DRC11: variants seen among roughly 807,000 people sequenced by gnomAD.
DRC11 encodes the protein IQ and AAA domain-containing protein 1.
the DRC11 span, among the ~76,000 whole-genome samples, chr2:236,499,296 G>C: frequency 6.6e-6 from 1 of 152,206 alleles, no homozygotes; most frequent in East Asian, 1.9e-4. The surrounding 1 kb of genome is among the most constrained non-coding windows in gnomAD (Gnocchi z 4.7). Context: ...TGTCCCAGAA[G>C]AACCAGGCTC....
At chr2:236,503,751 C>G in the DRC11 span, 2 of 1,492,576 alleles carry the variant, frequency 1.3e-6, no homozygotes, top group Non-Finnish European at 1.8e-6. This position sits in a 1 kb window ranked among gnomAD's most constrained non-coding sequence, Gnocchi z 4.9. Flanking sequence ...ACCACACCCC[C>G]TCCCACACTG....
At chr2:236,506,746 T>C in the DRC11 span, among the ~76,000 whole-genome samples, 1 of 152,356 alleles carries the variant, frequency 6.6e-6, no homozygotes, top group East Asian at 1.9e-4. The surrounding 1 kb of genome is among the most constrained non-coding windows in gnomAD (Gnocchi z 4.9). Flanking sequence ...TGAGGTAACT[T>C]TGTGCAAGTG....
chr2:236,493,151 G>A, the DRC11 span, among the ~76,000 whole-genome samples: 2 of 152,174 alleles, frequency 1.3e-5, no homozygotes, highest in African/African-American at 4.8e-5. Context: ...AGACAAGACA[G>A]TTTGTGCAGG....
the DRC11 span, chr2:236,503,647 T>C: frequency 3.2e-5 from 49 of 1,550,910 alleles, no homozygotes; most frequent in East Asian, 1.1e-3. The surrounding 1 kb of genome is among the most constrained non-coding windows in gnomAD (Gnocchi z 4.9). Flanking sequence ...TCCTCAGCGC[T>C]GAGAGACGGC....
chr2:236,493,443 GAAC>G, the DRC11 span, among the ~76,000 whole-genome samples: 1 of 152,148 alleles, frequency 6.6e-6, no homozygotes, highest in African/African-American at 2.4e-5. Flanking sequence ...TATTTTACAT[GAAC>G]AACATTTAGC....
At chr2:236,488,164 C>A in the DRC11 span, 2 of 1,603,788 alleles carry the variant, frequency 1.2e-6, no homozygotes, top group Non-Finnish European at 8.5e-7. Context: ...ACAGCCTCAT[C>A]GAAAGGGATA....
the DRC11 span, among the ~76,000 whole-genome samples, chr2:236,351,779 G>A: frequency 4.6e-5 from 7 of 152,120 alleles, no homozygotes; most frequent in African/African-American, 1.7e-4. The surrounding 1 kb of genome is among the most constrained non-coding windows in gnomAD (Gnocchi z 7.3). Context: ...GGCAGGGCAG[G>A]ATGGGGAGGG....
At chr2:236,313,901 A>G in the DRC11 span, among the ~76,000 whole-genome samples, 1 of 152,204 alleles carries the variant, frequency 6.6e-6, no homozygotes, top group Non-Finnish European at 1.5e-5. This position sits in a 1 kb window ranked among gnomAD's most constrained non-coding sequence, Gnocchi z 4.5. Flanking sequence ...GCCAAGGCTT[A>G]AAGGAAGAGG....
chr2:236,349,965 C>T, the DRC11 span, among the ~76,000 whole-genome samples: 7 of 152,320 alleles, frequency 4.6e-5, no homozygotes, highest in South Asian at 2.1e-4. The surrounding 1 kb of genome is among the most constrained non-coding windows in gnomAD (Gnocchi z 5.5). Flanking sequence ...GCGATGTCCA[C>T]GTGGCAAGCA....
chr2:236,331,819 A>G, the DRC11 span: 1 of 532,310 alleles, frequency 1.9e-6, no homozygotes, highest in Non-Finnish European at 3.4e-6. This position sits in a 1 kb window ranked among gnomAD's most constrained non-coding sequence, Gnocchi z 4.8. Flanking sequence ...AGGTCTATAG[A>G]TCCACAAGTG....
chr2:236,428,516 A>G, the DRC11 span, among the ~76,000 whole-genome samples: 2 of 151,958 alleles, frequency 1.3e-5, no homozygotes, highest in Non-Finnish European at 2.9e-5. Flanking sequence ...ACAGTTTTTG[A>G]CTTAAAGTAT....
the DRC11 span, among the ~76,000 whole-genome samples, chr2:236,466,443 C>T: frequency 3.3e-5 from 5 of 152,152 alleles, no homozygotes; most frequent in Non-Finnish European, 5.9e-5. Flanking sequence ...TTTGCACTGC[C>T]GTAAAAGAAT....
chr2:236,319,423 G>A, the DRC11 span, among the ~76,000 whole-genome samples: 2 of 152,232 alleles, frequency 1.3e-5, no homozygotes, highest in Non-Finnish European at 2.9e-5. This position sits in a 1 kb window ranked among gnomAD's most constrained non-coding sequence, Gnocchi z 6.7. Flanking sequence ...GGGTCAGTCA[G>A]AACCTTGCTG....
At chr2:236,384,492 A>G in the DRC11 span, among the ~76,000 whole-genome samples, 1 of 152,124 alleles carries the variant, frequency 6.6e-6, no homozygotes. Context: ...CATGTCCTTC[A>G]CCCACTTTTT....
At chr2:236,489,467 C>T in the DRC11 span, among the ~76,000 whole-genome samples, 12 of 149,354 alleles carry the variant, frequency 8.0e-5, no homozygotes, top group South Asian at 2.1e-4. Context: ...ATGTGGGCTC[C>T]GGGTGCAGCT....
the DRC11 span, among the ~76,000 whole-genome samples, chr2:236,383,633 A>ATTT: frequency 1.6e-5 from 2 of 122,642 alleles, no homozygotes; most frequent in African/African-American, 2.9e-5. Context: ...TTGTGTGGTC[A>ATTT]TTTTTTTTTT....
chr2:236,372,132 G>C, the DRC11 span, among the ~76,000 whole-genome samples: 1 of 152,066 alleles, frequency 6.6e-6, no homozygotes, highest in East Asian at 1.9e-4. This position sits in a 1 kb window ranked among gnomAD's most constrained non-coding sequence, Gnocchi z 4.5. Context: ...AGATAACTTT[G>C]CCACGAAATA....
chr2:236,311,963 G>A, the DRC11 span, among the ~76,000 whole-genome samples: 3 of 152,150 alleles, frequency 2.0e-5, no homozygotes, highest in East Asian at 1.9e-4. This position sits in a 1 kb window ranked among gnomAD's most constrained non-coding sequence, Gnocchi z 6.9. Flanking sequence ...TTAAGGTGAT[G>A]TGTCCCTTCA....
At chr2:236,467,803 C>T in the DRC11 span, among the ~76,000 whole-genome samples, 1 of 152,138 alleles carries the variant, frequency 6.6e-6, no homozygotes, top group Non-Finnish European at 1.5e-5. Context: ...TGGAAAAAAA[C>T]ATTATCTTAA....
Sources: gnomAD v4.1 joint callset for allele counts (sites outside exome capture counted in the v4.1 genomes callset) on GRCh38, gnomAD v4.1.1 for gene constraint, Gnocchi (gnomAD v3.1) non-coding constraint, MANE v1.5 for transcripts, NCBI Gene and HGNC (gene_info 2026-07-23, HGNC 2026-07-21) for gene names.